Variants in ODF2 observed in about 807,000 individuals in gnomAD.
ODF2 encodes the protein outer dense fiber of sperm tails 2.
ODF2 carries 47 observed loss-of-function variants against 110.2 expected under a neutral mutation model. That is an observed-to-expected ratio of 0.43 (90% confidence interval 0.34 to 0.54). The LOEUF is 0.54. Among genes scored for constraint, ODF2 ranks in the 20% least tolerant of loss-of-function variants. The pLI is 0.03. For synonymous variants in ODF2, 352 were observed against 397.7 expected (o/e 0.89, Z 1.37); for missense variants, 812 against 1,054.5 (o/e 0.77, Z 3.19).
intron 4 of ODF2, among the ~76,000 whole-genome samples, chr9:128,466,894 G>A (rs1205127935): frequency 4.9e-5 from 7 of 141,630 alleles, no homozygotes; most frequent in Non-Finnish European, 7.6e-5. Context: ...GGAGAATGGC[G>A]TGAACCTGGG....
intron 7 of ODF2, 38 bp from the exon 8 acceptor site, chr9:128,473,572 T>TC: frequency 6.2e-7 from 1 of 1,606,608 alleles, no homozygotes; most frequent in Non-Finnish European, 8.5e-7. Context: ...TCTTCCCTTC[T>TC]CCCCCTGCAT....
chr9:128,460,345 T>G (rs746488858), intron 3 of ODF2: 6 of 1,439,276 alleles, frequency 4.2e-6, no homozygotes, highest in African/African-American at 1.4e-5. Context: ...ATCTCCCTTG[T>G]GGTCTTCTGC....
chr9:128,460,866 C>G (rs1180239379), intron 3 of ODF2, 76 bp from the exon 4 acceptor site: 1 of 1,593,210 alleles, frequency 6.3e-7, no homozygotes, highest in African/African-American at 1.3e-5. Context: ...CTCTGCTAGT[C>G]GGAGAGGGAT....
exon 6 of ODF2, chr9:128,471,330 G>A (rs573976919): frequency 1.2e-5 from 20 of 1,610,810 alleles, no homozygotes; most frequent in South Asian, 8.8e-5. Flanking sequence ...AAAGGTGAGC[G>A]CCAGATGGCC....
intron 2 of ODF2, among the ~76,000 whole-genome samples, chr9:128,458,282 G>A (rs1231040776): frequency 1.3e-5 from 2 of 151,954 alleles, no homozygotes; most frequent in African/African-American, 2.4e-5. Context: ...GTGAAACCCC[G>A]TCTTTACTAG....
chr9:128,456,495 G>A (rs1368356337), intron 1 of ODF2: 3 of 1,526,002 alleles, frequency 2.0e-6, no homozygotes, highest in Non-Finnish European at 2.6e-6. Context: ...GCTACCACGG[G>A]GCTCTGCCCC....
exon 18 of ODF2, chr9:128,496,141 G>A: frequency 4.3e-6 from 7 of 1,613,834 alleles, no homozygotes; most frequent in Non-Finnish European, 5.9e-6. Flanking sequence ...GAACTGGAGA[G>A]GTTAGAGGCA....
chr9:128,482,651 T>C (rs1436761450), intron 9 of ODF2, among the ~76,000 whole-genome samples, 165 bp from the exon 10 acceptor site: 1 of 152,200 alleles, frequency 6.6e-6, no homozygotes, highest in Non-Finnish European at 1.5e-5. Flanking sequence ...TTTAAAAAAA[T>C]GTTTTAATGC....
In ODF2 at chr9:128,457,264, A is replaced by G. The variant is rs753841985; in HGVS notation, c.-142A>G. The stretch of plus-strand genomic sequence containing the variant: ...AAGTTTTCATCCAACTGCCAACCCC[A>G]AAGCTTCCACCCTTCTCCCCTCAGA... On this transcript the variant is annotated 5_prime_UTR_variant, in exon 2 of 21. Transcript: ENST00000604420. 12 of 1,598,722 alleles carry G rather than the reference A, an allele frequency of 7.5e-6. 1 individual carries two copies. In the East Asian group the frequency reaches 2.7e-4, roughly 36 times the overall value.
At chr9:128,497,605 C>T (rs1272260367) in intron 18 of ODF2, 1 of 150,642 alleles carries the variant, frequency 6.6e-6, no homozygotes, top group Non-Finnish European at 1.5e-5. Flanking sequence ...GATAGCACCA[C>T]TGCACTCCAG....
intron 19 of ODF2, 118 bp downstream of exon 19, chr9:128,498,693 T>G: frequency 1.5e-6 from 1 of 661,106 alleles, no homozygotes. Context: ...ATGAATTAGT[T>G]GTAAGGATCA....
At chr9:128,480,391 TTG>T (rs1292658832) in intron 8 of ODF2, among the ~76,000 whole-genome samples, 1 of 152,192 alleles carries the variant, frequency 6.6e-6, no homozygotes, top group Non-Finnish European at 1.5e-5. Flanking sequence ...GGTTACCTTT[TTG>T]TGTGTGTGTG....
chr9:128,460,593 T>C, intron 3 of ODF2: 4 of 1,613,982 alleles, frequency 2.5e-6, no homozygotes, highest in Non-Finnish European at 3.4e-6. Context: ...CCCTTACATG[T>C]TCACGTGGAT....
intron 1 of ODF2, chr9:128,456,737 C>A (rs1834912390): frequency 1.0e-6 from 1 of 980,874 alleles, no homozygotes; most frequent in East Asian, 1.2e-4. Flanking sequence ...CCGTCTCCGG[C>A]TTGCCAGGGC....
At chr9:128,484,044 T>A (rs943723099) in exon 11 of ODF2, 1 of 1,610,592 alleles carries the variant, frequency 6.2e-7, no homozygotes, top group East Asian at 2.2e-5. Flanking sequence ...CGCCTGTGCA[T>A]GCAGATTAAG....
intron 19 of ODF2, 109 bp downstream of exon 19, chr9:128,498,684 T>G (rs1247465580): frequency 1.5e-6 from 1 of 673,112 alleles, no homozygotes; most frequent in Non-Finnish European, 2.6e-6. Context: ...ACCCGCTTCA[T>G]GAATTAGTTG....
At chr9:128,458,316 T>C (rs1564450760) in intron 2 of ODF2, among the ~76,000 whole-genome samples, 1 of 152,118 alleles carries the variant, frequency 6.6e-6, no homozygotes, top group Non-Finnish European at 1.5e-5. Flanking sequence ...TAGCTGGGCA[T>C]GGTGGCACAC....
At chr9:128,484,568 C>A in intron 11 of ODF2, 133 bp from the exon 12 acceptor site, 2 of 929,682 alleles carry the variant, frequency 2.2e-6, no homozygotes, top group East Asian at 2.6e-5. Flanking sequence ...CACAGCTAAG[C>A]ACTTTTTTCT....
exon 2 of ODF2, chr9:128,457,347 T>G: frequency 6.2e-7 from 1 of 1,611,472 alleles, no homozygotes; most frequent in Non-Finnish European, 8.5e-7. Flanking sequence ...CCCCTCTGGG[T>G]CCCCCTGAGC....
Sources: gnomAD v4.1 joint callset for allele counts (sites outside exome capture counted in the v4.1 genomes callset) on GRCh38, gnomAD v4.1.1 for gene constraint, MANE v1.5 for transcripts, NCBI Gene and HGNC (gene_info 2026-07-23, HGNC 2026-07-21) for gene names.